Variants in SOX5 observed in about 807,000 individuals in gnomAD.
The protein encoded by SOX5 is SRY-box transcription factor 5, also known as transcription factor SOX-5.
SOX5 carries 9 observed loss-of-function variants against 92.0 expected under a neutral mutation model. The observed-to-expected ratio is 0.10, with a 90% CI of 0.06 to 0.17. The LOEUF (loss-of-function observed/expected upper bound fraction) is 0.17, where lower values mean the gene tolerates loss of function less well. Ranked by LOEUF, SOX5 falls within the 10% of genes least tolerant of loss-of-function variation. The pLI, the probability that SOX5 is intolerant of heterozygous loss-of-function variation, is 1.00. For synonymous variants in SOX5, 344 were observed against 336.3 expected, an observed-to-expected ratio of 1.02 and a Z score of -0.25; for missense variants, 642 against 944.5, an observed-to-expected ratio of 0.68 and a Z score of 4.20.
chr12:24,301,560 A>G (rs978777366), intron 2 of SOX5, among the ~76,000 whole-genome samples: 1 of 152,242 alleles, frequency 6.6e-6, no homozygotes, highest in Non-Finnish European at 1.5e-5. Context: ...TAGCAATACT[A>G]GAACAGTTAG....
intron 7 of SOX5, among the ~76,000 whole-genome samples, chr12:23,653,486 A>G (rs1039024033): frequency 1.2e-4 from 19 of 152,068 alleles, no homozygotes; most frequent in African/African-American, 4.6e-4. Flanking sequence ...GCATATCTGT[A>G]TATTACCACT....
chr12:23,861,122 T>C (rs529107369), intron 2 of SOX5, among the ~76,000 whole-genome samples: 1 of 152,176 alleles, frequency 6.6e-6, no homozygotes, highest in South Asian at 2.1e-4. Context: ...GACAAAAAGA[T>C]ATCATTGTAA....
intron 2 of SOX5, among the ~76,000 whole-genome samples, chr12:23,850,498 TAAAAC>T (rs1315218938): frequency 6.8e-6 from 1 of 147,940 alleles, no homozygotes; most frequent in Non-Finnish European, 1.5e-5. Context: ...CAGGAGAAGG[TAAAAC>T]AAAACTTCAA....
chr12:24,366,544 G>C (rs763454004), intron 2 of SOX5, among the ~76,000 whole-genome samples: 3 of 152,148 alleles, frequency 2.0e-5, no homozygotes, highest in African/African-American at 7.2e-5. Flanking sequence ...GAGAGAAATT[G>C]AATTCTGTTT....
intron 1 of SOX5, among the ~76,000 whole-genome samples, chr12:24,544,673 C>T (rs531754253): frequency 6.6e-6 from 1 of 152,296 alleles, no homozygotes; most frequent in Non-Finnish European, 1.5e-5. Context: ...TATTTTAAAG[C>T]ATCCCAATTC....
rs575910431 is a variant in SOX5 at position 23,963,024 on chromosome 12, T to C, written c.-1-67000A>G. 3.3e-5 allele frequency among the ~76,000 whole-genome samples: 5 copies of C among 152,320 alleles called. No individual in the cohort carries two copies. The East Asian group carries it at 9.6e-4, about 29-fold the overall frequency. Reference sequence around the variant, plus strand: ...TAATGATTTCCCCTTATCATTCTGATATTCTAGAGGCATGGCAGGGGAAAA... The same window carrying C: ...TAATGATTTCCCCTTATCATTCTGACATTCTAGAGGCATGGCAGGGGAAAA... On this transcript the variant is annotated intron_variant, in intron 4 of 4. Transcript: ENST00000446891.
intron 4 of SOX5, among the ~76,000 whole-genome samples, chr12:24,012,987 T>C (rs1363729765): frequency 6.6e-6 from 1 of 152,172 alleles, no homozygotes. Context: ...TTCATTCCCA[T>C]GAAAGATTAA....
chr12:24,322,037 A>G (rs1467106814), intron 2 of SOX5, among the ~76,000 whole-genome samples: 1 of 152,110 alleles, frequency 6.6e-6, no homozygotes, highest in African/African-American at 2.4e-5. Context: ...TTGGGCACAC[A>G]ATTTTCCTTC....
At chr12:24,399,283 C>T (rs1960903615) in intron 1 of SOX5, among the ~76,000 whole-genome samples, 1 of 152,128 alleles carries the variant, frequency 6.6e-6, no homozygotes, top group South Asian at 2.1e-4. Flanking sequence ...GAGTGAAGGA[C>T]CCTGAGGCTT....
chr12:23,618,620 T>C (rs2076836217), intron 8 of SOX5, among the ~76,000 whole-genome samples: 1 of 152,156 alleles, frequency 6.6e-6, no homozygotes, highest in South Asian at 2.1e-4. Flanking sequence ...ATGTTAATCA[T>C]TTTGCTAGAA....
At chr12:23,866,744 C>T (rs186065849) in intron 2 of SOX5, among the ~76,000 whole-genome samples, 5 of 152,214 alleles carry the variant, frequency 3.3e-5, no homozygotes, top group Admixed American at 2.0e-4. Context: ...CATCCTTCTC[C>T]GAGGCATTGC....
At chr12:24,265,155 A>T (rs1942822838) in intron 3 of SOX5, among the ~76,000 whole-genome samples, 1 of 152,194 alleles carries the variant, frequency 6.6e-6, no homozygotes. Context: ...TTCGAAAAAC[A>T]ATTTGTTCCT....
chr12:24,200,621 CA>C (rs1378788954), intron 4 of SOX5, among the ~76,000 whole-genome samples: 3 of 152,082 alleles, frequency 2.0e-5, no homozygotes, highest in Middle Eastern at 3.2e-3. Flanking sequence ...ACTCAAATCT[CA>C]TTCAAAGTAT....
intron 4 of SOX5, among the ~76,000 whole-genome samples, chr12:24,160,842 A>G (rs1952681043): frequency 1.3e-5 from 2 of 152,040 alleles, no homozygotes; most frequent in Admixed American, 1.3e-4. Context: ...TGTAAAAATT[A>G]TTTTTCAGGG....
intron 4 of SOX5, among the ~76,000 whole-genome samples, chr12:23,997,317 A>C (rs1451958038): frequency 6.6e-6 from 1 of 152,152 alleles, no homozygotes; most frequent in African/African-American, 2.4e-5. Context: ...AATAATTTGG[A>C]GCTAAGTTTG....
chr12:24,344,968 T>C (rs78828588), intron 2 of SOX5, among the ~76,000 whole-genome samples: 2,966 of 152,304 alleles, frequency 0.019, 86 homozygotes, highest in African/African-American at 0.062. Flanking sequence ...GAAAGTCTTT[T>C]AAGGATTAAA....
chr12:23,610,447 G>T (rs1001699987), intron 8 of SOX5, among the ~76,000 whole-genome samples: 2 of 152,072 alleles, frequency 1.3e-5, no homozygotes, highest in Non-Finnish European at 2.9e-5. Flanking sequence ...TAAACTCCTT[G>T]AAGGCAGAGA....
intron 1 of SOX5, among the ~76,000 whole-genome samples, chr12:23,923,672 G>A (rs139124456): frequency 4.6e-5 from 7 of 152,144 alleles, no homozygotes; most frequent in Admixed American, 2.6e-4. Flanking sequence ...TGAAATAACA[G>A]CCAATTTTGG....
chr12:24,174,779 C>T (rs1292645119), intron 4 of SOX5, among the ~76,000 whole-genome samples: 1 of 151,728 alleles, frequency 6.6e-6, no homozygotes, highest in African/African-American at 2.4e-5. Context: ...AAGATTGTGC[C>T]GTTGCACTCC....
Sources: allele counts gnomAD v4.1 joint callset (sites outside exome capture counted in the v4.1 genomes callset), GRCh38; gene constraint gnomAD v4.1.1; transcripts MANE v1.5; gene names NCBI Gene and HGNC (gene_info 2026-07-23, HGNC 2026-07-21).